The following MIPOL1 variants were observed in gnomAD, a reference collection of about 807,000 sequenced individuals.
MIPOL1 encodes mirror-image polydactyly gene 1 protein.
A neutral mutation model predicts 60.9 loss-of-function variants in MIPOL1; 57 were observed. The ratio of observed to expected loss-of-function variants is 0.94; its 90% confidence interval spans 0.76 to 1.17. The LOEUF (loss-of-function observed/expected upper bound fraction) is 1.17, where lower values mean the gene tolerates loss of function less well. Among genes scored for constraint, MIPOL1 ranks in the 50% most tolerant of loss-of-function variants. The pLI, the probability that MIPOL1 is intolerant of heterozygous loss-of-function variation, is 0.00. For synonymous variants in MIPOL1, 179 were observed against 168.8 expected (o/e 1.06, Z -0.47); for missense variants, 551 against 511.6 (o/e 1.08, Z -0.74).
intron 10 of MIPOL1, among the ~76,000 whole-genome samples, chr14:37,405,914 A>G (rs1266234725): frequency 1.4e-5 from 2 of 143,610 alleles, no homozygotes; most frequent in African/African-American, 5.5e-5. Flanking sequence ...TTTTTTTTTC[A>G]GTTTTCATGG....
intron 11 of MIPOL1, among the ~76,000 whole-genome samples, chr14:37,467,094 T>A (rs192172313): frequency 6.6e-6 from 1 of 152,348 alleles, no homozygotes; most frequent in East Asian, 1.9e-4. Context: ...TGTTTAACAT[T>A]ATCAGACTGC....
chr14:37,524,578 T>C (rs2095435188), intron 12 of MIPOL1, among the ~76,000 whole-genome samples: 1 of 142,194 alleles, frequency 7.0e-6, no homozygotes, highest in Non-Finnish European at 1.5e-5. Context: ...TTCTTTTTTT[T>C]TTTTTTTGAG....
intron 1 of MIPOL1, among the ~76,000 whole-genome samples, chr14:37,205,833 G>A (rs1965995569): frequency 6.6e-6 from 1 of 152,124 alleles, no homozygotes; most frequent in South Asian, 2.1e-4. Context: ...ATTCCATGGT[G>A]TAAATGTGCC....
intron 1 of MIPOL1, among the ~76,000 whole-genome samples, chr14:37,213,588 A>G (rs1310900915): frequency 1.3e-5 from 2 of 152,224 alleles, no homozygotes; most frequent in East Asian, 1.9e-4. Flanking sequence ...AATAGCCTCA[A>G]AGGGCAAATC....
At chr14:37,394,416 C>T (rs995150223) in intron 10 of MIPOL1, among the ~76,000 whole-genome samples, 7 of 151,876 alleles carry the variant, frequency 4.6e-5, no homozygotes, top group Non-Finnish European at 8.8e-5. Flanking sequence ...GCATCCATAC[C>T]GTCATCTACT....
intron 12 of MIPOL1, among the ~76,000 whole-genome samples, chr14:37,516,393 C>T (rs1566757088): frequency 1.3e-5 from 2 of 152,052 alleles, no homozygotes; most frequent in South Asian, 2.1e-4. Context: ...TATATTTATG[C>T]TCAATAATTT....
At chr14:37,390,312 A>G (rs2093202518) in intron 10 of MIPOL1, among the ~76,000 whole-genome samples, 1 of 152,124 alleles carries the variant, frequency 6.6e-6, no homozygotes, top group Non-Finnish European at 1.5e-5. Context: ...CACTTTATCT[A>G]CCTGGCAGAG....
At chr14:37,539,984 C>T (rs950156854) in intron 12 of MIPOL1, among the ~76,000 whole-genome samples, 2 of 152,112 alleles carry the variant, frequency 1.3e-5, no homozygotes, top group Non-Finnish European at 2.9e-5. Flanking sequence ...GGGCTTTTCC[C>T]CCTTTTGCTT....
At chr14:37,202,147 G>A (rs1203782275) in intron 1 of MIPOL1, among the ~76,000 whole-genome samples, 1 of 152,142 alleles carries the variant, frequency 6.6e-6, no homozygotes, top group Non-Finnish European at 1.5e-5. Context: ...TTGTTTTTAA[G>A]TAATTTATAG....
rs139797182 is a variant in MIPOL1, at chr14:37,404,229, A to G, written c.937-18626A>G. Among the ~76,000 whole-genome samples the G allele has an allele frequency of 2.4e-3, 362 of 152,216 alleles. 3 individuals are homozygous for G. The highest frequency in any genetic ancestry group is 8.1e-3 in the African/African-American group (338 of 41,552). The stretch of plus-strand genomic sequence containing the variant: ...TTGCTTGTTTTGCTGATTTCTTTGT[A>G]TACATGAAATGTTTACTGCAATGAA... On this transcript the variant is annotated intron_variant, in intron 10 of 12. Transcript: ENST00000684589.
intron 12 of MIPOL1, among the ~76,000 whole-genome samples, chr14:37,542,172 C>G (rs970701310): frequency 1.3e-5 from 2 of 152,206 alleles, no homozygotes; most frequent in African/African-American, 4.8e-5. Context: ...TGTTTAAGCA[C>G]CTACTTAACT....
chr14:37,297,861 A>G (rs995056695), intron 7 of MIPOL1, among the ~76,000 whole-genome samples: 13 of 152,196 alleles, frequency 8.5e-5, no homozygotes, highest in South Asian at 6.2e-4. Flanking sequence ...AATCAATATC[A>G]TGAAAATGGC....
intron 11 of MIPOL1, among the ~76,000 whole-genome samples, chr14:37,446,833 C>T (rs2094343190): frequency 6.6e-6 from 1 of 151,518 alleles, no homozygotes; most frequent in African/African-American, 2.4e-5. Flanking sequence ...GACAAAAAAC[C>T]AAACACCGCA....
chr14:37,214,344 A>G (rs1967218407), intron 1 of MIPOL1, among the ~76,000 whole-genome samples: 1 of 152,214 alleles, frequency 6.6e-6, no homozygotes. Context: ...AAGTTAAGGC[A>G]TAGAGTTTTT....
At chr14:37,537,910 G>T (rs931740543) in intron 12 of MIPOL1, among the ~76,000 whole-genome samples, 2 of 152,190 alleles carry the variant, frequency 1.3e-5, no homozygotes, top group Non-Finnish European at 2.9e-5. Context: ...TAACAGTCTA[G>T]AAACTTCTGC....
intron 1 of MIPOL1, among the ~76,000 whole-genome samples, chr14:37,202,242 A>T (rs1965451479): frequency 6.6e-6 from 1 of 152,052 alleles, no homozygotes; most frequent in Non-Finnish European, 1.5e-5. Flanking sequence ...CTTCTTTGAT[A>T]TGTATAATTG....
chr14:37,254,998 A>G (rs537576705), intron 3 of MIPOL1, among the ~76,000 whole-genome samples: 245 of 151,968 alleles, frequency 1.6e-3, no homozygotes, highest in Non-Finnish European at 2.4e-3. Context: ...TTTCTTTGAA[A>G]TAGAAAACAA....
chr14:37,447,146 G>T (rs1054790989), intron 11 of MIPOL1, among the ~76,000 whole-genome samples: 6 of 151,866 alleles, frequency 4.0e-5, no homozygotes, highest in Non-Finnish European at 8.8e-5. Context: ...CTTCAACAAT[G>T]AAGACATGGC....
intron 12 of MIPOL1, among the ~76,000 whole-genome samples, chr14:37,513,369 C>T (rs1412105741): frequency 6.6e-6 from 1 of 152,036 alleles, no homozygotes; most frequent in Non-Finnish European, 1.5e-5. Context: ...TTTTATTATA[C>T]ACATAGATAT....
Sources: allele counts gnomAD v4.1 joint callset (sites outside exome capture counted in the v4.1 genomes callset), GRCh38; gene constraint gnomAD v4.1.1; transcripts MANE v1.5; gene names NCBI Gene and HGNC (gene_info 2026-07-23, HGNC 2026-07-21).